Variants in IL1RAPL2 observed in about 807,000 individuals in gnomAD.
The protein encoded by IL1RAPL2 is X-linked interleukin-1 receptor accessory protein-like 2.
A neutral mutation model predicts 44.1 loss-of-function variants in IL1RAPL2; 3 were observed. The observed-to-expected ratio is 0.07, with a 90% CI of 0.03 to 0.18. The LOEUF (loss-of-function observed/expected upper bound fraction) is 0.18. Among genes scored for constraint, IL1RAPL2 ranks in the 10% least tolerant of loss-of-function variants. IL1RAPL2 has a pLI of 1.00. For synonymous variants in IL1RAPL2, 181 were observed against 178.8 expected (o/e 1.01, Z -0.10); for missense variants, 391 against 496.4 (o/e 0.79, Z 2.02).
intron 6 of IL1RAPL2, among the ~76,000 whole-genome samples, chrX:105,570,736 T>G (rs1244531408): frequency 8.9e-6 from 1 of 112,122 alleles, no homozygotes; most frequent in Admixed American, 9.5e-5. Flanking sequence ...TTTAAGCAGG[T>G]TAGCACTTTC....
intron 1 of IL1RAPL2, among the ~76,000 whole-genome samples, chrX:104,617,035 G>A (rs1022457339): frequency 1.8e-5 from 2 of 112,154 alleles, no homozygotes; most frequent in African/African-American, 3.2e-5. Context: ...CTATGCCAAT[G>A]TCCTGAATGG....
intron 2 of IL1RAPL2, among the ~76,000 whole-genome samples, chrX:104,973,708 A>G (rs1019719929): frequency 2.7e-5 from 3 of 112,112 alleles, no homozygotes; most frequent in African/African-American, 9.7e-5. Context: ...CACACAAAAA[A>G]TTTATTTTAT....
At chrX:105,135,278 C>A (rs990618288) in intron 2 of IL1RAPL2, among the ~76,000 whole-genome samples, 2 of 111,303 alleles carry the variant, frequency 1.8e-5, no homozygotes, top group Non-Finnish European at 1.9e-5. Flanking sequence ...GTAGTTAGAG[C>A]AGCCATTAAA....
At chrX:105,714,187 G>A (rs1054951032) in intron 6 of IL1RAPL2, among the ~76,000 whole-genome samples, 1 of 111,310 alleles carries the variant, frequency 9.0e-6, no homozygotes, top group African/African-American at 3.3e-5. Context: ...TGCCTTTACT[G>A]TCCATATTCC....
At chrX:105,426,710 A>G (rs1602407361) in intron 5 of IL1RAPL2, among the ~76,000 whole-genome samples, 2 of 111,015 alleles carry the variant, frequency 1.8e-5, no homozygotes, top group East Asian at 5.7e-4. Context: ...TACAGAGTAG[A>G]TAATTAAATA....
chrX:105,152,304 A>G (rs2033234342), intron 2 of IL1RAPL2, among the ~76,000 whole-genome samples: 1 of 111,881 alleles, frequency 8.9e-6, no homozygotes, highest in African/African-American at 3.2e-5. Context: ...CAGGTGGTTG[A>G]CTCTCTTTCT....
intron 6 of IL1RAPL2, chrX:105,676,292 A>C (rs1211876519): frequency 8.9e-6 from 1 of 111,975 alleles, no homozygotes; most frequent in South Asian, 3.7e-4. Flanking sequence ...CACAGGCCAG[A>C]CTAGAGCTCA....
chrX:104,963,136 G>A (rs1186075790), intron 2 of IL1RAPL2, among the ~76,000 whole-genome samples: 3 of 111,472 alleles, frequency 2.7e-5, no homozygotes, highest in East Asian at 2.8e-4. Context: ...TTTTATTAGT[G>A]GTAACCATGG....
At chrX:105,491,727 C>T (rs774438804) in intron 6 of IL1RAPL2, among the ~76,000 whole-genome samples, 1 of 112,012 alleles carries the variant, frequency 8.9e-6, no homozygotes, top group Non-Finnish European at 1.9e-5. Flanking sequence ...AGATCATATA[C>T]CATGTGCATT....
chrX:104,927,313 T>A, intron 2 of IL1RAPL2, among the ~76,000 whole-genome samples: 1 of 111,644 alleles, frequency 9.0e-6, no homozygotes, highest in Non-Finnish European at 1.9e-5. Context: ...CAGTGGTATC[T>A]TTTTTTCAAT....
intron 5 of IL1RAPL2, among the ~76,000 whole-genome samples, chrX:105,273,054 G>C (rs16984676): frequency 0.065 from 7,230 of 110,783 alleles, 570 homozygotes; most frequent in African/African-American, 0.22. Flanking sequence ...ATAGTAGCGG[G>C]GATTTTGACT....
At chrX:105,382,815 TG>T (rs980732562) in intron 5 of IL1RAPL2, among the ~76,000 whole-genome samples, 4 of 107,855 alleles carry the variant, frequency 3.7e-5, no homozygotes, top group African/African-American at 1.4e-4. Context: ...TCATGTCCTT[TG>T]TAGGGACATG....
intron 2 of IL1RAPL2, among the ~76,000 whole-genome samples, chrX:105,022,970 G>T (rs2031307841): frequency 9.0e-6 from 1 of 110,806 alleles, no homozygotes; most frequent in South Asian, 3.8e-4. Context: ...GTATATACAT[G>T]AAAATGAAAA....
intron 2 of IL1RAPL2, among the ~76,000 whole-genome samples, chrX:104,690,473 A>G (rs1931072983): frequency 8.9e-6 from 1 of 112,318 alleles, no homozygotes; most frequent in African/African-American, 3.2e-5. Context: ...TACTAGCTCT[A>G]TTCTTATCCC....
At chrX:105,059,991 T>C (rs1345684012) in intron 2 of IL1RAPL2, among the ~76,000 whole-genome samples, 1 of 112,191 alleles carries the variant, frequency 8.9e-6, no homozygotes, top group Non-Finnish European at 1.9e-5. Context: ...CTGGATCATA[T>C]GGTAGCTTTA....
chrX:104,729,408 G>A (rs748941195), intron 2 of IL1RAPL2, among the ~76,000 whole-genome samples: 1 of 104,462 alleles, frequency 9.6e-6, no homozygotes, highest in South Asian at 4.4e-4. Flanking sequence ...ACCAAGGGGT[G>A]AGCAAATGAT....
At chrX:104,861,127 C>T (rs1922482458) in intron 2 of IL1RAPL2, among the ~76,000 whole-genome samples, 1 of 111,917 alleles carries the variant, frequency 8.9e-6, no homozygotes, top group Non-Finnish European at 1.9e-5. Flanking sequence ...CAATGCAGAT[C>T]AGATCAGTGG....
intron 3 of IL1RAPL2, among the ~76,000 whole-genome samples, chrX:105,205,902 G>C (rs977875762): frequency 9.0e-6 from 1 of 110,706 alleles, no homozygotes; most frequent in Non-Finnish European, 1.9e-5. Flanking sequence ...ACCAAGTTGA[G>C]AAGCAATTGT....
chrX:105,314,328 T>A (rs774999186), intron 5 of IL1RAPL2, among the ~76,000 whole-genome samples: 3 of 110,182 alleles, frequency 2.7e-5, no homozygotes, highest in Admixed American at 9.7e-5. Context: ...GGTAGTGAAC[T>A]TACCCTCTAG....
Sources: allele counts gnomAD v4.1 joint callset (sites outside exome capture counted in the v4.1 genomes callset), GRCh38; gene constraint gnomAD v4.1.1; transcripts MANE v1.5; gene names NCBI Gene and HGNC (gene_info 2026-07-23, HGNC 2026-07-21).